The following LAMP1 variants were observed in gnomAD, a reference collection of about 807,000 sequenced individuals.
The protein encoded by LAMP1 is lysosome-associated membrane glycoprotein 1.
Under a neutral mutation model 37.5 loss-of-function variants are expected in LAMP1, and 7 were observed. The ratio of observed to expected loss-of-function variants is 0.19; its 90% CI spans 0.11 to 0.35. The LOEUF is 0.35. Ranked by LOEUF, LAMP1 falls within the 10% of genes least tolerant of loss-of-function variation. LAMP1 has a pLI of 1.00. For missense variants in LAMP1, 537 were observed against 552.8 expected, an observed-to-expected ratio of 0.97 and a Z score of 0.29; for synonymous variants, 236 against 229.1, an observed-to-expected ratio of 1.03 and a Z score of -0.27.
In LAMP1 at chr13:113,309,745, A is replaced by C. The variant is rs1362214629; in HGVS notation, c.286A>C (p.Arg96=). 11 of 1,614,204 alleles carry C rather than the reference A, an allele frequency of 6.8e-6. No individual in the cohort carries two copies. Among genetic ancestry groups the C allele is most frequent in the Non-Finnish European group, 8.5e-6 (10 of 1,180,020 alleles). ...CCCCAGTCTCGTGATTGCTTTTGGA[A>C]GAGGACATACACTCACTCTCAATTT... ...SDPSLVIAFG[R]GHTLTLNFTR... The change falls in exon 3 of 9, where the codon AGA becomes CGA. Residue 96 remains arginine, a synonymous_variant. Coordinates refer to ENST00000332556, the MANE Select transcript of LAMP1 (RefSeq NM_005561.4).
rs1292336138 is a variant in LAMP1, at chr13:113,319,349, A to G, written c.563-120A>G. On this transcript the variant is annotated intron_variant, in intron 4 of 8. Coordinates refer to ENST00000332556, the MANE Select transcript of LAMP1 (RefSeq NM_005561.4). ...GAGAGCCACCTTGGGAGACTGAGAA[A>G]ATAGTCACCAAGGACGCCAGAGTCC... The G allele has an allele frequency of 4.5e-6, 4 of 891,730 alleles. No homozygotes were observed. In the East Asian group the frequency reaches 1.1e-4, roughly 23 times the overall value. 55.2% of individuals were successfully genotyped at this position (891,730 alleles called of 1,614,324 possible).
rs777034730 is a variant in LAMP1, at chr13:113,321,373, T to C, written c.877-31T>C. ...AAAGATCATCTTTCTATGAATCTGC[T>C]CCGTGATTAAAGATCATTTTTCTTT... On this transcript the variant is annotated intron_variant, in intron 6 of 8. Transcript: ENST00000332556. This position sits in a 1 kb window ranked among gnomAD's most constrained non-coding sequence, Gnocchi z 5.6. 1.3e-6 allele frequency: 2 copies of C among 1,553,362 alleles called. No homozygotes were observed. The highest frequency in any genetic ancestry group is 1.1e-5 in the South Asian group (1 of 89,782).
Position 113,322,613 on chromosome 13 carries a change from T to C in LAMP1, c.*192T>C. 2 of 456,508 alleles carry C rather than the reference T, an allele frequency of 4.4e-6. No individual in the cohort carries two copies. Among genetic ancestry groups the C allele is most frequent in the Non-Finnish European group, 7.5e-6 (2 of 267,538 alleles). 28.3% of individuals were successfully genotyped at this position (456,508 alleles called of 1,614,324 possible). Reference sequence around the variant, plus strand: ...AAATGACGGTGTTAATTTTGCTAACTGGGTTAAATATTTTGCTAACTGGTT... The same window carrying C: ...AAATGACGGTGTTAATTTTGCTAACCGGGTTAAATATTTTGCTAACTGGTT... On this transcript the variant is annotated 3_prime_UTR_variant, in exon 9 of 9. Coordinates refer to ENST00000332556, the MANE Select transcript of LAMP1 (RefSeq NM_005561.4).
chr13:113,309,488 C>T (rs958767740), intron 2 of LAMP1, among the ~76,000 whole-genome samples, 155 bp from the exon 3 acceptor site: 1 of 152,112 alleles, frequency 6.6e-6, no homozygotes. Context: ...TAATACTAAC[C>T]TTTTTTTGGT....
intron 1 of LAMP1, among the ~76,000 whole-genome samples, chr13:113,300,328 A>G (rs1279680649): frequency 6.6e-6 from 1 of 152,156 alleles, no homozygotes; most frequent in Non-Finnish European, 1.5e-5. Flanking sequence ...TAAGAATACA[A>G]AAATTAGCCA....
At chr13:113,306,135 GA>G in intron 1 of LAMP1, 1 of 177,884 alleles carries the variant, frequency 5.6e-6, no homozygotes, top group South Asian at 1.0e-4. Flanking sequence ...AAGGTGGGTG[GA>G]TCACCTGAGG....
At chr13:113,298,938 C>T (rs756736083) in intron 1 of LAMP1, among the ~76,000 whole-genome samples, 2 of 152,184 alleles carry the variant, frequency 1.3e-5, no homozygotes, top group African/African-American at 4.8e-5. Flanking sequence ...GTCAGGAGTT[C>T]GAGACCAGCC....
Position 113,321,590 on chromosome 13 carries a change from G to A in LAMP1, c.977G>A (p.Arg326Gln), listed in dbSNP as rs767455348. 3.5e-5 allele frequency: 56 copies of A among 1,613,986 alleles called. No homozygotes were observed. The highest frequency in any genetic ancestry group is 3.3e-4 in the Middle Eastern group (2 of 6,084). The change falls in exon 8 of 9, where the codon CGA becomes CAA. Residue 326 changes from arginine to glutamine, a missense_variant. By Grantham distance (43) the Arg-to-Gln change is conservative. Coordinates refer to ENST00000332556, the MANE Select transcript of LAMP1 (RefSeq NM_005561.4). The surrounding 1 kb of genome is among the most constrained non-coding windows in gnomAD (Gnocchi z 5.6). ...TTTAAAGCTGCCAACGGCTCCCTGCGAGCGCTGCAGGCCACAGTCGGCAAT... is the reference window on the plus strand; with the variant it reads ...TTTAAAGCTGCCAACGGCTCCCTGCAAGCGCTGCAGGCCACAGTCGGCAAT... ...PAFKAANGSL[R>Q]ALQATVGNSY...
chr13:113,323,636 A>C lies in LAMP1; in HGVS notation c.*1215A>C, dbSNP rs1231866707. On this transcript the variant is annotated 3_prime_UTR_variant, in exon 9 of 9. Transcript: ENST00000332556. ...TCTGGTTCATTCATGTAACATGATA[A>C]TTTTTAAATCATTAAAAAAATTACC... 1 of 151,968 alleles carries C rather than the reference A, an allele frequency of 6.6e-6. No individual in the cohort carries two copies. Among genetic ancestry groups the C allele is most frequent in the African/African-American group, 2.4e-5 (1 of 41,332 alleles). 9.4% of individuals were successfully genotyped at this position (151,968 alleles called of 1,614,324 possible). A position where few individuals can be genotyped will look rare whatever the true frequency, so the allele number is the denominator to read the frequency against.
chr13:113,321,538 A>G lies in LAMP1; in HGVS notation c.944-19A>G, dbSNP rs775046123. 5 of 1,612,946 alleles carry G rather than the reference A, an allele frequency of 3.1e-6. No individual in the cohort carries two copies. Among genetic ancestry groups the G allele is most frequent in the Non-Finnish European group, 4.2e-6 (5 of 1,179,870 alleles). ...GCCCAGGGTATTCTGGAGCCACTAGACCTCTGTGTGTGTTGCAGACCCTGC... is the reference window on the plus strand; with the variant it reads ...GCCCAGGGTATTCTGGAGCCACTAGGCCTCTGTGTGTGTTGCAGACCCTGC... On this transcript the variant is annotated intron_variant, in intron 7 of 8. Transcript: ENST00000332556. This position sits in a 1 kb window ranked among gnomAD's most constrained non-coding sequence, Gnocchi z 5.6.
intron 3 of LAMP1, 51 bp downstream of exon 3, chr13:113,309,913 G>A (rs748360004): frequency 3.4e-6 from 5 of 1,466,834 alleles, no homozygotes; most frequent in South Asian, 1.2e-5. Context: ...TGGGTTGGAG[G>A]ATTGTCTAAA....
At position 113,321,861 on chromosome 13, in the gene LAMP1, G is replaced by C. The variant is rs547800731; in HGVS notation, c.1114+134G>C. On this transcript the variant is annotated intron_variant, in intron 8 of 8. Coordinates refer to ENST00000332556, the MANE Select transcript of LAMP1 (RefSeq NM_005561.4). The surrounding 1 kb of genome is among the most constrained non-coding windows in gnomAD (Gnocchi z 5.6). Reference sequence around the variant, plus strand: ...CTGCAAGGAGCTGTTTCTTCTTGCCGGTCTGAGATTCTAGAGGTAACTCCC... The same window carrying C: ...CTGCAAGGAGCTGTTTCTTCTTGCCCGTCTGAGATTCTAGAGGTAACTCCC... 1.1e-6 allele frequency: 1 copy of C among 879,312 alleles called. No individual in the cohort carries two copies. The highest frequency in any genetic ancestry group is 3.4e-4 in the Middle Eastern group (1 of 2,908). The allele number at this position is 879,312 out of a possible 1,614,324, so 54.5% of individuals were successfully genotyped here.
At chr13:113,314,200 G>A (rs1360037365) in intron 4 of LAMP1, among the ~76,000 whole-genome samples, 3 of 118,028 alleles carry the variant, frequency 2.5e-5, no homozygotes, top group Non-Finnish European at 4.9e-5. Flanking sequence ...GGAGATGCCC[G>A]TGTGCCTGGG....
chr13:113,322,421 G>T lies in LAMP1; in HGVS notation c.1254G>T (p.Ter418TyrextTer19). 2 of 1,607,744 alleles carry T rather than the reference G, an allele frequency of 1.2e-6. No homozygotes were observed. Among genetic ancestry groups the T allele is most frequent in the Non-Finnish European group, 8.5e-7 (1 of 1,175,286 alleles). ...KRSHAGYQTI[*>Y] The stretch of plus-strand genomic sequence containing the variant: ...GTCACGCAGGCTACCAGACTATCTA[G>T]CCTGGTGCACGCAGGCACAGCAGCT... The change falls in exon 9 of 9, where the codon TAG becomes TAT. Residue 418 changes from the stop codon to tyrosine, a stop_lost. Coordinates refer to ENST00000332556, the MANE Select transcript of LAMP1 (RefSeq NM_005561.4).
chr13:113,301,686 T>A (rs2042575063), intron 1 of LAMP1, among the ~76,000 whole-genome samples: 1 of 134,360 alleles, frequency 7.4e-6, no homozygotes, highest in Admixed American at 7.6e-5. Context: ...TATATATATA[T>A]ATATATTTAC....
intron 1 of LAMP1, among the ~76,000 whole-genome samples, chr13:113,300,815 A>G (rs910828781): frequency 2.0e-5 from 3 of 152,200 alleles, no homozygotes; most frequent in African/African-American, 7.2e-5. Flanking sequence ...CTCCATCTCA[A>G]AAAAACAAAG....
chr13:113,300,198 C>T (rs2042563234), intron 1 of LAMP1, among the ~76,000 whole-genome samples: 2 of 152,080 alleles, frequency 1.3e-5, no homozygotes, highest in East Asian at 1.9e-4. Flanking sequence ...ATTTTATACT[C>T]GGCTGGGTGC....
rs147832647 is a variant in LAMP1 at position 113,307,795 on chromosome 13, T to TAA, written c.183+1189_183+1190insAA. Among the ~76,000 whole-genome samples, 365 of 116,818 alleles carry TAA rather than the reference T, an allele frequency of 3.1e-3. 6 individuals carry two copies. Among genetic ancestry groups the TAA allele is most frequent in the East Asian group, 0.018 (81 of 4,508 alleles). The allele number at this position is 116,818 out of a possible 152,430, so 76.6% of individuals were successfully genotyped here. On this transcript the variant is annotated intron_variant, in intron 2 of 8. Transcript: ENST00000332556. ...GACATAGTAAGATCTTATCTCTTTT[T>TAA]TAAAAAAAAAAAAAAAAGCCAGACA...
At chr13:113,312,787 G>T (rs2042637436) in intron 4 of LAMP1, among the ~76,000 whole-genome samples, 1 of 152,192 alleles carries the variant, frequency 6.6e-6, no homozygotes, top group Non-Finnish European at 1.5e-5. Flanking sequence ...ACGGACGCCT[G>T]GCAGCCTGTC....
Sources: gnomAD v4.1 joint callset for allele counts (sites outside exome capture counted in the v4.1 genomes callset) on GRCh38, gnomAD v4.1.1 for gene constraint, Gnocchi (gnomAD v3.1) non-coding constraint, MANE v1.5 for transcripts, NCBI Gene and HGNC (gene_info 2026-07-23, HGNC 2026-07-21) for gene names.